The following LRMDA variants were observed in gnomAD, a reference collection of about 807,000 sequenced individuals.
LRMDA encodes the protein leucine-rich melanocyte differentiation-associated protein.
Under a neutral mutation model 29.8 loss-of-function variants are expected in LRMDA, and 18 were observed. The ratio of observed to expected loss-of-function variants is 0.60; its 90% confidence interval spans 0.42 to 0.90. The LOEUF (loss-of-function observed/expected upper bound fraction) is 0.90, where lower values mean the gene tolerates loss of function less well. LRMDA is among the 40% of genes least tolerant of loss of function. The pLI is 0.00. For missense variants in LRMDA, 273 were observed against 273.9 expected (o/e 1.00, Z 0.02); for synonymous variants, 125 against 109.4 (o/e 1.14, Z -0.89).
chr10:76,514,892 T>G (rs1352505298), intron 6 of LRMDA, among the ~76,000 whole-genome samples: 1 of 152,172 alleles, frequency 6.6e-6, no homozygotes, highest in Non-Finnish European at 1.5e-5. Flanking sequence ...TTTGTTCAAG[T>G]ACAATTGGTA....
chr10:75,587,768 A>T (rs994156144), intron 2 of LRMDA, among the ~76,000 whole-genome samples: 3 of 152,246 alleles, frequency 2.0e-5, no homozygotes, highest in African/African-American at 4.8e-5. Flanking sequence ...CTAACGTGAT[A>T]GAGTGCTGGT....
intron 6 of LRMDA, among the ~76,000 whole-genome samples, chr10:76,479,718 CT>C (rs1342658666): frequency 6.6e-6 from 1 of 151,864 alleles, no homozygotes; most frequent in Admixed American, 6.6e-5. Context: ...AAAAAATTTG[CT>C]TTGATTTATT....
intron 6 of LRMDA, among the ~76,000 whole-genome samples, chr10:76,533,317 G>A (rs1166510172): frequency 1.3e-5 from 2 of 152,048 alleles, no homozygotes; most frequent in East Asian, 1.9e-4. Context: ...TCCTATATCC[G>A]GATTCAACTG....
intron 2 of LRMDA, among the ~76,000 whole-genome samples, chr10:75,690,992 T>TAC (rs1280785863): frequency 0.024 from 2,260 of 93,960 alleles, 39 homozygotes; most frequent in African/African-American, 0.036. Context: ...TATATATATA[T>TAC]ATACACACAC....
At chr10:75,634,761 T>A (rs985705506) in intron 2 of LRMDA, among the ~76,000 whole-genome samples, 1 of 152,192 alleles carries the variant, frequency 6.6e-6, no homozygotes, top group African/African-American at 2.4e-5. Flanking sequence ...ATTAGAGTTA[T>A]ATAAAGTAGT....
chr10:75,600,957 TCCAGAGCTGAG>T (rs1840877624), intron 2 of LRMDA, among the ~76,000 whole-genome samples: 1 of 152,214 alleles, frequency 6.6e-6, no homozygotes, highest in Admixed American at 6.5e-5. Context: ...TTTCTCCTCT[TCCAGAGCTGAG>T]CCAAGGCTGC....
intron 5 of LRMDA, among the ~76,000 whole-genome samples, chr10:76,120,065 G>A (rs1009827016): frequency 2.0e-5 from 3 of 151,972 alleles, no homozygotes; most frequent in African/African-American, 7.3e-5. Flanking sequence ...CTCATATAGA[G>A]CAGCCCCCTT....
At position 75,846,261 on chromosome 10, in the gene LRMDA, C is replaced by A. The variant is rs567077714; in HGVS notation, c.132-189747C>A. Among the ~76,000 whole-genome samples the A allele has an allele frequency of 2.6e-5, 4 of 151,084 alleles. No individual in the cohort carries two copies. In the East Asian group the frequency reaches 7.8e-4, roughly 30 times the overall value. The stretch of plus-strand genomic sequence containing the variant: ...CTAAGCAGGATATAAGCAGACCCCA[C>A]CCAGCTTAGTGAGTAAATTCATACC... On this transcript the variant is annotated intron_variant, in intron 2 of 6. Transcript: ENST00000611255.
At chr10:76,076,446 A>G (rs1589316051) in intron 5 of LRMDA, among the ~76,000 whole-genome samples, 2 of 151,216 alleles carry the variant, frequency 1.3e-5, no homozygotes, top group Admixed American at 1.3e-4. Context: ...CATATTTTGT[A>G]ATTATTTTCA....
At chr10:76,008,638 C>T (rs1187272460) in intron 2 of LRMDA, among the ~76,000 whole-genome samples, 2 of 152,230 alleles carry the variant, frequency 1.3e-5, no homozygotes, top group East Asian at 3.9e-4. Context: ...CATGGCTGTC[C>T]ACACTGCAGT....
rs372647347 is a variant in LRMDA, at chr10:76,387,236, C to T, written c.601+62751C>T. On this transcript the variant is annotated intron_variant, in intron 6 of 6. Transcript: ENST00000611255. ...ATATAAAAGACTGAAAGTAATTCTT[C>T]ATAGCCTTGTTTATATGAAGGAAAA... Among the ~76,000 whole-genome samples the T allele has an allele frequency of 7.9e-5, 12 of 152,264 alleles. No homozygotes were observed. In the East Asian group the frequency reaches 2.3e-3, roughly 29 times the overall value.
chr10:76,322,456 C>A (rs1034713722), intron 5 of LRMDA, among the ~76,000 whole-genome samples: 7 of 152,148 alleles, frequency 4.6e-5, no homozygotes, highest in African/African-American at 1.4e-4. Context: ...GGACACTGAG[C>A]AGGAAAGTAA....
At chr10:76,129,590 C>A (rs1035166530) in intron 5 of LRMDA, among the ~76,000 whole-genome samples, 5 of 152,062 alleles carry the variant, frequency 3.3e-5, no homozygotes, top group Admixed American at 6.6e-5. Flanking sequence ...TAAGAAATAC[C>A]CAGAACCACT....
intron 5 of LRMDA, among the ~76,000 whole-genome samples, chr10:76,188,273 G>A (rs1011313994): frequency 6.6e-6 from 1 of 152,224 alleles, no homozygotes; most frequent in Non-Finnish European, 1.5e-5. Flanking sequence ...ATAGCACTCT[G>A]TAGTTTAAGA....
intron 2 of LRMDA, among the ~76,000 whole-genome samples, chr10:75,802,313 A>G (rs953065198): frequency 4.1e-5 from 6 of 146,816 alleles, no homozygotes; most frequent in Admixed American, 6.9e-5. Context: ...GAGAGACCCT[A>G]TCTCTAAACA....
At chr10:75,515,373 TA>T (rs574845513) in intron 2 of LRMDA, among the ~76,000 whole-genome samples, 1 of 152,222 alleles carries the variant, frequency 6.6e-6, no homozygotes, top group East Asian at 1.9e-4. Context: ...TTAATTTAAT[TA>T]AAAAAATTTT....
chr10:76,372,651 A>AATAAAATAAAATAAAAG (rs58904844), intron 6 of LRMDA, among the ~76,000 whole-genome samples: 2 of 152,056 alleles, frequency 1.3e-5, no homozygotes, highest in Non-Finnish European at 2.9e-5. Flanking sequence ...TAAAATAAAA[A>AATAAAATAAAATAAAAG]GAAATCCTTA....
chr10:75,480,658 G>A (rs1174245840), intron 2 of LRMDA, among the ~76,000 whole-genome samples: 2 of 152,234 alleles, frequency 1.3e-5, no homozygotes, highest in Non-Finnish European at 2.9e-5. Context: ...CATAGGCTAA[G>A]GGCTTGCCAT....
chr10:75,976,104 A>T (rs565511213), intron 2 of LRMDA, among the ~76,000 whole-genome samples: 1 of 152,334 alleles, frequency 6.6e-6, no homozygotes, highest in South Asian at 2.1e-4. Flanking sequence ...TTGGTGTAAA[A>T]TCCAAAGTCC....
Sources: gnomAD v4.1 joint callset for allele counts (sites outside exome capture counted in the v4.1 genomes callset) on GRCh38, gnomAD v4.1.1 for gene constraint, MANE v1.5 for transcripts, NCBI Gene and HGNC (gene_info 2026-07-23, HGNC 2026-07-21) for gene names.